ATRNL1: variants seen among roughly 807,000 people sequenced by gnomAD.
ATRNL1 encodes attractin-like protein 1.
ATRNL1 carries 95 observed loss-of-function variants against 182.7 expected under a neutral mutation model. The observed-to-expected ratio is 0.52, with a 90% CI of 0.44 to 0.62. The LOEUF is 0.62. Among genes scored for constraint, ATRNL1 ranks in the 20% least tolerant of loss-of-function variants. The pLI is 0.00. For missense variants in ATRNL1, 1,471 were observed against 1,679.5 expected (o/e 0.88, Z 2.17); for synonymous variants, 576 against 568.3 (o/e 1.01, Z -0.19).
chr10:115,727,771 C>T (rs1350826682), intron 27 of ATRNL1, among the ~76,000 whole-genome samples: 5 of 152,108 alleles, frequency 3.3e-5, no homozygotes, highest in Non-Finnish European at 7.4e-5. Flanking sequence ...ATTTTAATTA[C>T]ATAGCTTCAT....
intron 27 of ATRNL1, among the ~76,000 whole-genome samples, chr10:115,735,064 G>C (rs368783773): frequency 6.6e-6 from 1 of 151,924 alleles, no homozygotes; most frequent in East Asian, 1.9e-4. Flanking sequence ...AAACATTATT[G>C]TTGTTGTATT....
intron 17 of ATRNL1, among the ~76,000 whole-genome samples, chr10:115,310,754 T>C (rs1853976829): frequency 6.6e-6 from 1 of 152,224 alleles, no homozygotes; most frequent in South Asian, 2.1e-4. Context: ...ATCAATTTTA[T>C]CTTTTCAAAA....
At chr10:115,451,964 G>A (rs1392192310) in intron 21 of ATRNL1, among the ~76,000 whole-genome samples, 1 of 152,112 alleles carries the variant, frequency 6.6e-6, no homozygotes, top group Non-Finnish European at 1.5e-5. Context: ...GTGGGAATAT[G>A]GATAGGGCTA....
intron 5 of ATRNL1, among the ~76,000 whole-genome samples, chr10:115,155,343 A>AT (rs1262496714): frequency 6.6e-6 from 1 of 152,036 alleles, no homozygotes; most frequent in Non-Finnish European, 1.5e-5. Flanking sequence ...ATTATACTTA[A>AT]TTTTTTTGTG....
chr10:115,393,773 A>T (rs1844152429), intron 19 of ATRNL1, among the ~76,000 whole-genome samples: 1 of 152,140 alleles, frequency 6.6e-6, no homozygotes, highest in Admixed American at 6.6e-5. Context: ...AAGATTATAC[A>T]TGTAGAAATT....
chr10:115,684,673 A>G (rs1555045804), intron 26 of ATRNL1, among the ~76,000 whole-genome samples: 1 of 151,688 alleles, frequency 6.6e-6, no homozygotes, highest in Non-Finnish European at 1.5e-5. Flanking sequence ...TGGGTTAATT[A>G]TCTAACTTCC....
At chr10:115,239,493 A>G (rs1385230033) in intron 9 of ATRNL1, among the ~76,000 whole-genome samples, 1 of 151,956 alleles carries the variant, frequency 6.6e-6, no homozygotes. Flanking sequence ...CGGCCTCCCA[A>G]AGTGCTGGGA....
chr10:115,763,606 A>G (rs1407205716), intron 27 of ATRNL1, among the ~76,000 whole-genome samples: 5 of 152,140 alleles, frequency 3.3e-5, no homozygotes, highest in African/African-American at 1.2e-4. Flanking sequence ...GGGCACAAAG[A>G]TTCTGAATTC....
At chr10:115,360,229 A>G (rs1856677765) in intron 19 of ATRNL1, among the ~76,000 whole-genome samples, 1 of 151,808 alleles carries the variant, frequency 6.6e-6, no homozygotes, top group South Asian at 2.1e-4. Flanking sequence ...TAATGTTATT[A>G]TTGATTTACA....
At chr10:115,713,715 T>TCTATCTATCATCTATCTAG (rs1565310983) in intron 26 of ATRNL1, among the ~76,000 whole-genome samples, 30 of 151,110 alleles carry the variant, frequency 2.0e-4, no homozygotes, top group African/African-American at 7.1e-4. Context: ...CATCTATCTA[T>TCTATCTATCATCTATCTAG]CTATCTATCT....
chr10:115,402,999 T>G (rs1844640759), intron 20 of ATRNL1, among the ~76,000 whole-genome samples: 1 of 152,134 alleles, frequency 6.6e-6, no homozygotes, highest in African/African-American at 2.4e-5. Context: ...TCCTGAACAT[T>G]TTTTTTCCTC....
intron 28 of ATRNL1, among the ~76,000 whole-genome samples, chr10:115,919,616 TTATGTATACATA>T (rs1952984240): frequency 6.6e-6 from 1 of 152,010 alleles, no homozygotes; most frequent in African/African-American, 2.4e-5. Flanking sequence ...ATAATTAATA[TTATGTATACATA>T]TATGTATACA....
chr10:115,714,450 CG>C (rs1381621445), intron 26 of ATRNL1, among the ~76,000 whole-genome samples: 5 of 152,178 alleles, frequency 3.3e-5, no homozygotes, highest in African/African-American at 1.2e-4. Context: ...GCAAACAGCA[CG>C]AACTTTCTGA....
intron 27 of ATRNL1, among the ~76,000 whole-genome samples, chr10:115,847,603 T>C (rs1459001965): frequency 1.3e-5 from 2 of 152,134 alleles, no homozygotes; most frequent in Non-Finnish European, 2.9e-5. Context: ...TTATACATCA[T>C]TGGTGAGAGG....
At chr10:115,847,264 T>A (rs1320626489) in intron 27 of ATRNL1, among the ~76,000 whole-genome samples, 1 of 151,976 alleles carries the variant, frequency 6.6e-6, no homozygotes, top group Non-Finnish European at 1.5e-5. Context: ...CTTGCACTTA[T>A]GTAGGATGAA....
chr10:115,167,399 A>G (rs80079261), intron 7 of ATRNL1, among the ~76,000 whole-genome samples: 307 of 152,160 alleles, frequency 2.0e-3, no homozygotes, highest in African/African-American at 6.6e-3. Context: ...TTGAAAGTCT[A>G]TATGAATTTT....
At chr10:115,303,453 C>T (rs1447238790) in intron 17 of ATRNL1, among the ~76,000 whole-genome samples, 21 of 152,044 alleles carry the variant, frequency 1.4e-4, no homozygotes, top group Non-Finnish European at 2.8e-4. Flanking sequence ...GAACTCCTGA[C>T]CTCATGATCC....
At chr10:115,579,298 C>T (rs2133881767) in intron 26 of ATRNL1, among the ~76,000 whole-genome samples, 1 of 151,704 alleles carries the variant, frequency 6.6e-6, no homozygotes, top group East Asian at 1.9e-4. Context: ...TATCAAAGTT[C>T]TCTATCATTA....
In ATRNL1 at chr10:115,602,771, G is replaced by T. The variant is rs181786595; in HGVS notation, c.3795+53235G>T. Among the ~76,000 whole-genome samples the T allele has an allele frequency of 1.6e-3, 235 of 151,032 alleles. 1 individual carries two copies. The highest frequency in any genetic ancestry group is 5.3e-3 in the African/African-American group (217 of 41,022). On this transcript the variant is annotated intron_variant, in intron 26 of 28. Transcript: ENST00000355044. ...ACAGCTACTGAGGTAGGAGAATGGG[G>T]TGAACCCAGGAGGCGAAGTTTGCAG...
Sources: gnomAD v4.1 joint callset for allele counts (sites outside exome capture counted in the v4.1 genomes callset) on GRCh38, gnomAD v4.1.1 for gene constraint, MANE v1.5 for transcripts, NCBI Gene and HGNC (gene_info 2026-07-23, HGNC 2026-07-21) for gene names.